Variants in MBD2 observed in about 807,000 individuals in gnomAD.
MBD2 encodes the protein methyl-CpG-binding domain protein 2.
A neutral mutation model predicts 39.3 loss-of-function variants in MBD2; 9 were observed. The observed-to-expected ratio is 0.23, with a 90% CI of 0.14 to 0.40. The LOEUF (loss-of-function observed/expected upper bound fraction) is 0.40, where lower values mean the gene tolerates loss of function less well. Ranked by LOEUF, MBD2 falls within the 10% of genes least tolerant of loss-of-function variation. The pLI is 1.00. For synonymous variants in MBD2, 233 were observed against 211.1 expected (o/e 1.10, Z -0.90); for missense variants, 458 against 532.6 (o/e 0.86, Z 1.38).
intron 1 of MBD2, chr18:54,222,254 C>A (rs1200557209): frequency 4.7e-6 from 2 of 428,202 alleles, no homozygotes; most frequent in Admixed American, 2.7e-5. Context: ...CTTTTTTTAA[C>A]CACAATAACC....
chr18:54,182,464 T>C (rs944461589), intron 3 of MBD2, among the ~76,000 whole-genome samples: 1 of 152,134 alleles, frequency 6.6e-6, no homozygotes, highest in Non-Finnish European at 1.5e-5. Flanking sequence ...AGGGGATGAA[T>C]AGCATATGCA....
intron 1 of MBD2, among the ~76,000 whole-genome samples, chr18:54,211,376 A>G (rs1330269044): frequency 7.7e-6 from 1 of 129,714 alleles, no homozygotes; most frequent in Non-Finnish European, 1.6e-5. Flanking sequence ...AAAAGAATGT[A>G]TATTATTGCT....
chr18:54,214,639 C>G lies in MBD2; in HGVS notation c.542+9379G>C, dbSNP rs150356801. Among the ~76,000 whole-genome samples the G allele has an allele frequency of 9.6e-3, 1,458 of 152,126 alleles. 19 individuals carry two copies. Among genetic ancestry groups the G allele is most frequent in the African/African-American group, 0.034 (1,394 of 41,502 alleles). On this transcript the variant is annotated intron_variant, in intron 1 of 6. Transcript: ENST00000256429. ...CTTCTATTTCTGTTGGCTAATTAAA[C>G]GAAGAGAAAGGAGCTAACATTTTAC... is the stretch of plus-strand genomic sequence containing the variant.
chr18:54,176,905 A>G (rs749154183), intron 3 of MBD2, among the ~76,000 whole-genome samples: 3 of 152,256 alleles, frequency 2.0e-5, no homozygotes, highest in African/African-American at 4.8e-5. Context: ...TAAACAGGAT[A>G]GATGAATAAA....
intron 2 of MBD2, among the ~76,000 whole-genome samples, chr18:54,195,513 TATC>T (rs1282325859): frequency 6.6e-6 from 1 of 152,166 alleles, no homozygotes; most frequent in East Asian, 1.9e-4. Context: ...GCAGAGACTA[TATC>T]TCTAAGGTCA....
At chr18:54,223,895 C>A (rs2086635628) in intron 1 of MBD2, 123 bp downstream of exon 1, 2 of 799,404 alleles carry the variant, frequency 2.5e-6, no homozygotes, top group Non-Finnish European at 3.7e-6. Context: ...CCTTCCACCA[C>A]CAAACCAGCC....
At chr18:54,169,733 T>C (rs1323958290) in intron 3 of MBD2, among the ~76,000 whole-genome samples, 1 of 152,248 alleles carries the variant, frequency 6.6e-6, no homozygotes, top group Non-Finnish European at 1.5e-5. Flanking sequence ...ATCCAGTGGT[T>C]TTCTCAGCTT....
intron 3 of MBD2, among the ~76,000 whole-genome samples, chr18:54,170,920 T>C (rs1378941832): frequency 1.3e-5 from 2 of 152,210 alleles, no homozygotes; most frequent in Non-Finnish European, 2.9e-5. Flanking sequence ...TCAGTGTTTC[T>C]AAAGATCTTA....
At position 54,223,932 on chromosome 18, in the gene MBD2, C is replaced by A; in HGVS notation, c.542+86G>T. Reference sequence around the variant, plus strand: ...GTCCCTGCCACATGCCCCCCGGGCCCCAGCGCTCATCCTCTGCCCAGGCCC... The same window carrying A: ...GTCCCTGCCACATGCCCCCCGGGCCACAGCGCTCATCCTCTGCCCAGGCCC... On this transcript the variant is annotated intron_variant, in intron 1 of 6. Transcript: ENST00000256429. The A allele has an allele frequency of 3.3e-6, 4 of 1,201,488 alleles. No homozygotes were observed. The South Asian group carries it at 5.7e-5, about 17-fold the overall frequency. 74.4% of individuals were successfully genotyped at this position (1,201,488 alleles called of 1,614,324 possible).
intron 3 of MBD2, among the ~76,000 whole-genome samples, chr18:54,177,867 T>A (rs1197677675): frequency 7.5e-6 from 1 of 133,952 alleles, no homozygotes; most frequent in East Asian, 2.4e-4. Context: ...AGTATCACTC[T>A]GTTGCCCAAG....
intron 1 of MBD2, among the ~76,000 whole-genome samples, chr18:54,214,509 A>AT (rs202169126): frequency 0.012 from 1,790 of 152,092 alleles, 29 homozygotes; most frequent in African/African-American, 0.041. Context: ...TATGCATAAT[A>AT]TTTTTTTAAA....
intron 1 of MBD2, among the ~76,000 whole-genome samples, chr18:54,205,880 A>G (rs1342512534): frequency 6.6e-6 from 1 of 152,080 alleles, no homozygotes; most frequent in Non-Finnish European, 1.5e-5. Flanking sequence ...TACATATACA[A>G]CTACGCCAGC....
chr18:54,214,507 A>G (rs937993211), intron 1 of MBD2, among the ~76,000 whole-genome samples: 6 of 151,802 alleles, frequency 4.0e-5, no homozygotes, highest in Non-Finnish European at 8.8e-5. Context: ...CCTATGCATA[A>G]TATTTTTTTA....
chr18:54,212,032 A>T (rs2086512519), intron 1 of MBD2, among the ~76,000 whole-genome samples: 1 of 151,540 alleles, frequency 6.6e-6, no homozygotes, highest in African/African-American at 2.4e-5. Context: ...ATTTTTTTCT[A>T]TTTTTAGTAG....
Position 54,175,116 on chromosome 18 carries a change from A to T in MBD2, c.841-8950T>A, listed in dbSNP as rs531986846. ...TTAGCTCTCATGTATTGTCTTAAAAAGCATCTTCCCTTTTGAAATTATAAT... is the reference window on the plus strand; with the variant it reads ...TTAGCTCTCATGTATTGTCTTAAAATGCATCTTCCCTTTTGAAATTATAAT... On this transcript the variant is annotated intron_variant, in intron 3 of 6. Coordinates refer to ENST00000256429, the MANE Select transcript of MBD2 (RefSeq NM_003927.5). Among the ~76,000 whole-genome samples, 6 of 152,384 alleles carry T rather than the reference A, an allele frequency of 3.9e-5. No individual in the cohort carries two copies. In the East Asian group the frequency reaches 1.2e-3, roughly 29 times the overall value.
At chr18:54,206,278 T>A (rs1168838566) in intron 1 of MBD2, among the ~76,000 whole-genome samples, 1 of 152,146 alleles carries the variant, frequency 6.6e-6, no homozygotes, top group Non-Finnish European at 1.5e-5. Context: ...TCCTAAAAAA[T>A]TTTTTTCCTG....
intron 2 of MBD2, among the ~76,000 whole-genome samples, chr18:54,194,882 G>A (rs530942854): frequency 1.3e-5 from 2 of 152,002 alleles, no homozygotes; most frequent in Non-Finnish European, 2.9e-5. Flanking sequence ...TTGTACTTGT[G>A]GAAAGAACTG....
rs1309725046 is a variant in MBD2 at position 54,154,305 on chromosome 18, A to G, written c.*1019T>C. 6.6e-6 allele frequency: 1 copy of G among 152,210 alleles called. No individual in the cohort carries two copies. Among genetic ancestry groups the G allele is most frequent in the Non-Finnish European group, 1.5e-5 (1 of 68,046 alleles). 9.4% of individuals were successfully genotyped at this position (152,210 alleles called of 1,614,324 possible). On this transcript the variant is annotated 3_prime_UTR_variant, in exon 7 of 7. Transcript: ENST00000256429. ...TACACTCGCGAGTTTCAACAGAAAA[A>G]GAATGTTAATATTTTGGAGGCCAGG...
At chr18:54,178,759 G>GTC (rs2086229350) in intron 3 of MBD2, among the ~76,000 whole-genome samples, 1 of 152,036 alleles carries the variant, frequency 6.6e-6, no homozygotes, top group Non-Finnish European at 1.5e-5. Context: ...GTTAGGAAAG[G>GTC]TCTCCCCAAT....
Sources: gnomAD v4.1 joint callset for allele counts (sites outside exome capture counted in the v4.1 genomes callset) on GRCh38, gnomAD v4.1.1 for gene constraint, MANE v1.5 for transcripts, NCBI Gene and HGNC (gene_info 2026-07-23, HGNC 2026-07-21) for gene names.